Variants in ERC1 observed in about 807,000 individuals in gnomAD.
ERC1 encodes the protein ELKS/RAB6-interacting/CAST family member 1, also known as RAB6 interacting protein 2.
A neutral mutation model predicts 132.0 loss-of-function variants in ERC1; 56 were observed. That is an observed-to-expected ratio of 0.42 (90% CI 0.34 to 0.53). ERC1 has a LOEUF of 0.53. Among genes scored for constraint, ERC1 ranks in the 20% least tolerant of loss-of-function variants. The probability of loss-of-function intolerance (pLI) is 0.03; values close to 1 mark genes in which losing one functional copy is unlikely to be tolerated. For synonymous variants in ERC1, 478 were observed against 476.1 expected, an observed-to-expected ratio of 1.00 and a Z score of -0.05; for missense variants, 1,202 against 1,349.9, an observed-to-expected ratio of 0.89 and a Z score of 1.72.
chr12:1,202,140 A>G (rs1166753686), intron 12 of ERC1, among the ~76,000 whole-genome samples: 1 of 152,174 alleles, frequency 6.6e-6, no homozygotes, highest in Non-Finnish European at 1.5e-5. Flanking sequence ...GATGAATATC[A>G]TAGACTTCCT....
intron 12 of ERC1, among the ~76,000 whole-genome samples, chr12:1,214,665 T>TACACACACACAC (rs59137347): frequency 1.7e-5 from 2 of 119,090 alleles, no homozygotes; most frequent in African/African-American, 5.1e-5. Flanking sequence ...TGTGTATACA[T>TACACACACACAC]ACACACACAC....
intron 18 of ERC1, among the ~76,000 whole-genome samples, chr12:1,456,302 A>G (rs1223861232): frequency 6.6e-6 from 1 of 152,188 alleles, no homozygotes; most frequent in African/African-American, 2.4e-5. Context: ...TTGGCTAACT[A>G]TATGTAGTTA....
intron 15 of ERC1, among the ~76,000 whole-genome samples, chr12:1,300,904 AC>A (rs1366421974): frequency 6.6e-6 from 1 of 152,200 alleles, no homozygotes; most frequent in Non-Finnish European, 1.5e-5. Flanking sequence ...TTCCTCAAAG[AC>A]CTAAAAACAA....
In ERC1 at chr12:1,335,061, T is replaced by C. The variant is rs112699969; in HGVS notation, c.2781-36772T>C. 7.8e-3 allele frequency among the ~76,000 whole-genome samples: 1,195 copies of C among 152,300 alleles called. 9 individuals carry two copies. Among genetic ancestry groups the C allele is most frequent in the African/African-American group, 0.025 (1,036 of 41,556 alleles). ...TTGGTGTAGAGGAATGCTAGTGATATCTGTATATTGATTTCGTATCCTGAA... is the reference window on the plus strand; with the variant it reads ...TTGGTGTAGAGGAATGCTAGTGATACCTGTATATTGATTTCGTATCCTGAA... On this transcript the variant is annotated intron_variant, in intron 15 of 18. Coordinates refer to ENST00000360905, the MANE Select transcript of ERC1 (RefSeq NM_178040.4).
chr12:1,431,086 C>T (rs2092783110), intron 17 of ERC1, among the ~76,000 whole-genome samples: 1 of 152,138 alleles, frequency 6.6e-6, no homozygotes, highest in African/African-American at 2.4e-5. Context: ...CAGGGAAAAG[C>T]AATGAAATAA....
chr12:1,467,409 G>A (rs1318252680), intron 18 of ERC1, among the ~76,000 whole-genome samples: 1 of 152,072 alleles, frequency 6.6e-6, no homozygotes, highest in Non-Finnish European at 1.5e-5. Flanking sequence ...GAAAAGGAGG[G>A]TTCAAAAAAG....
chr12:1,099,866 T>G (rs1944464366), intron 3 of ERC1, among the ~76,000 whole-genome samples: 1 of 49,258 alleles, frequency 2.0e-5, no homozygotes, highest in African/African-American at 7.3e-5. Flanking sequence ...TTTTTTTTTT[T>G]TGACAGAGTC....
At chr12:1,347,042 G>T (rs1448100959) in intron 15 of ERC1, among the ~76,000 whole-genome samples, 1 of 152,092 alleles carries the variant, frequency 6.6e-6, no homozygotes, top group Non-Finnish European at 1.5e-5. Flanking sequence ...TCCAGAGAAG[G>T]TATTTAGAAT....
At chr12:1,403,883 G>A (rs1227514270) in intron 16 of ERC1, among the ~76,000 whole-genome samples, 1 of 152,130 alleles carries the variant, frequency 6.6e-6, no homozygotes, top group Non-Finnish European at 1.5e-5. Flanking sequence ...ACATGGAAAG[G>A]TTTCTTAACC....
intron 17 of ERC1, among the ~76,000 whole-genome samples, chr12:1,418,858 G>A (rs1298606238): frequency 6.6e-6 from 1 of 151,646 alleles, no homozygotes; most frequent in Non-Finnish European, 1.5e-5. Context: ...GACTACACGC[G>A]TGTACCACCA....
At chr12:1,256,101 C>G (rs570501044) in intron 13 of ERC1, among the ~76,000 whole-genome samples, 4 of 151,898 alleles carry the variant, frequency 2.6e-5, no homozygotes, top group Non-Finnish European at 5.9e-5. Flanking sequence ...TTGCTTTTTT[C>G]TTGTAAATTT....
chr12:1,000,713 A>G (rs192726823), intron 1 of ERC1, among the ~76,000 whole-genome samples: 49 of 152,238 alleles, frequency 3.2e-4, no homozygotes, highest in Middle Eastern at 3.4e-3. Context: ...CAGTGAGCCA[A>G]AATCACGCCA....
chr12:1,029,744 CTT>C (rs747890124), intron 2 of ERC1, among the ~76,000 whole-genome samples: 20 of 114,234 alleles, frequency 1.8e-4, no homozygotes, highest in Admixed American at 4.2e-4. Flanking sequence ...GTTAAACATA[CTT>C]TTTTTTTTTT....
At chr12:1,364,386 C>G (rs977054373) in intron 15 of ERC1, among the ~76,000 whole-genome samples, 1 of 152,156 alleles carries the variant, frequency 6.6e-6, no homozygotes, top group Non-Finnish European at 1.5e-5. Context: ...AAAATCAAAT[C>G]ACTTCTCATT....
chr12:1,040,670 A>G (rs1338306254), intron 2 of ERC1, among the ~76,000 whole-genome samples: 1 of 151,612 alleles, frequency 6.6e-6, no homozygotes, highest in Non-Finnish European at 1.5e-5. Context: ...TTTTCCTTTG[A>G]TTTTTCCATA....
chr12:1,491,091 AAG>A lies in ERC1; in HGVS notation c.*865_*866del, dbSNP rs1457650136. ...GACCCTGTCTCTACAAAAAATTAAA[AAG>A]AGAACATACAAAGTTGACATATGAG... On this transcript the variant is annotated 3_prime_UTR_variant, in exon 19 of 19. Coordinates refer to ENST00000360905, the MANE Select transcript of ERC1 (RefSeq NM_178040.4). 18 of 232,734 alleles carry A rather than the reference AAG, an allele frequency of 7.7e-5. No homozygotes were observed. Among genetic ancestry groups the A allele is most frequent in the Non-Finnish European group, 6.8e-5 (8 of 117,780 alleles). 14.4% of individuals were successfully genotyped at this position (232,734 alleles called of 1,614,324 possible).
intron 15 of ERC1, among the ~76,000 whole-genome samples, chr12:1,331,046 G>T (rs981925644): frequency 6.6e-6 from 1 of 152,076 alleles, no homozygotes; most frequent in Non-Finnish European, 1.5e-5. Context: ...AAGAATATGT[G>T]TACTGTCAGT....
intron 1 of ERC1, among the ~76,000 whole-genome samples, chr12:1,002,174 T>C (rs1264767974): frequency 9.0e-6 from 1 of 111,416 alleles, no homozygotes; most frequent in Non-Finnish European, 1.9e-5. Context: ...TTTTTTTTTT[T>C]TTTTTTTTTT....
At chr12:1,173,445 AAC>A (rs1953307787) in intron 8 of ERC1, among the ~76,000 whole-genome samples, 1 of 152,166 alleles carries the variant, frequency 6.6e-6, no homozygotes, top group South Asian at 2.1e-4. Flanking sequence ...AGTTTTTAAA[AAC>A]TGGATATTCC....
Sources: allele counts gnomAD v4.1 joint callset (sites outside exome capture counted in the v4.1 genomes callset), GRCh38; gene constraint gnomAD v4.1.1; transcripts MANE v1.5; gene names NCBI Gene and HGNC (gene_info 2026-07-23, HGNC 2026-07-21).